The following FAM220A variants were observed in gnomAD, a reference collection of about 807,000 sequenced individuals.
FAM220A encodes the protein family with sequence similarity 220 member A, also known as protein FAM220A.
For synonymous variants in FAM220A, 141 were observed against 130.7 expected (o/e 1.08, Z -0.54); for missense variants, 392 against 321.6 (o/e 1.22, Z -1.68).
chr7:6,346,637 TC>T (rs1325503085), intron 1 of FAM220A, among the ~76,000 whole-genome samples: 2 of 152,150 alleles, frequency 1.3e-5, no homozygotes, highest in Admixed American at 1.3e-4. Flanking sequence ...CACCTTGGCC[TC>T]CCAAAGTGTT....
At chr7:6,347,132 G>C (rs1029617206) in intron 1 of FAM220A, among the ~76,000 whole-genome samples, 5 of 152,140 alleles carry the variant, frequency 3.3e-5, no homozygotes, top group Admixed American at 6.6e-5. Context: ...TTCAAGACCA[G>C]CCTTGGCAAC....
At chr7:6,339,122 G>A (rs1402093295) in intron 1 of FAM220A, among the ~76,000 whole-genome samples, 3 of 152,168 alleles carry the variant, frequency 2.0e-5, no homozygotes, top group African/African-American at 7.2e-5. Context: ...ATGATCACAA[G>A]GAACACACTA....
chr7:6,339,383 G>A (rs1368861814), intron 1 of FAM220A, among the ~76,000 whole-genome samples: 2 of 152,066 alleles, frequency 1.3e-5, no homozygotes, highest in Non-Finnish European at 2.9e-5. Context: ...TGGGAGGATC[G>A]TTTGAGCCTA....
chr7:6,336,494 A>G (rs113341185), intron 1 of FAM220A, among the ~76,000 whole-genome samples: 1 of 152,124 alleles, frequency 6.6e-6, no homozygotes, highest in African/African-American at 2.4e-5. Context: ...CAGCCTGGCC[A>G]ACACAGGGAA....
rs574903080 is a variant in FAM220A, at chr7:6,339,374, G to A, written c.-81-8139C>T. Among the ~76,000 whole-genome samples, 15 of 152,276 alleles carry A rather than the reference G, an allele frequency of 9.9e-5. No homozygotes were observed. The South Asian group carries it at 3.1e-3, about 32-fold the overall frequency. On this transcript the variant is annotated intron_variant, in intron 1 of 1. Transcript: ENST00000313324. The stretch of plus-strand genomic sequence containing the variant: ...TCCCAGCTACTCAGGAGGTCGAGGT[G>A]GGAGGATCGTTTGAGCCTAGGAGTT...
At chr7:6,346,623 C>T (rs776543469) in intron 1 of FAM220A, among the ~76,000 whole-genome samples, 26 of 152,156 alleles carry the variant, frequency 1.7e-4, no homozygotes, top group Non-Finnish European at 1.0e-4. Context: ...TTAAGCGACG[C>T]AGACACCTTG....
At chr7:6,340,625 G>C (rs1485468327) in intron 1 of FAM220A, among the ~76,000 whole-genome samples, 1 of 152,006 alleles carries the variant, frequency 6.6e-6, no homozygotes, top group East Asian at 1.9e-4. Context: ...TATGAGTGCT[G>C]GCTGGGCATG....
rs1781627028 is a variant in FAM220A, at chr7:6,331,186, G to T, written c.-32C>A. 6.3e-7 allele frequency: 1 copy of T among 1,587,420 alleles called. No individual in the cohort carries two copies. Among genetic ancestry groups the T allele is most frequent in the African/African-American group, 1.4e-5 (1 of 74,046 alleles). ...TGTTCTTGGATGCGGTGGGCCTGAG[G>T]TCACGCCTTCGTCAGTCTGGGAGGG... On this transcript the variant is annotated 5_prime_UTR_variant, in exon 2 of 2. Transcript: ENST00000313324.
In FAM220A at chr7:6,333,772, C is replaced by CT. The variant is rs531956945; in HGVS notation, c.-81-2538dup. On this transcript the variant is annotated intron_variant, in intron 1 of 1. Coordinates refer to ENST00000313324, the MANE Select transcript of FAM220A (RefSeq NM_001037163.2). ...AGTAGGTGACTTGAAGAACAAGTGT[C>CT]TTTTTTTTTTTTTTAATAGAGACAG... 5.0e-3 allele frequency among the ~76,000 whole-genome samples: 619 copies of CT among 125,036 alleles called. 3 individuals are homozygous for CT. The highest frequency in any genetic ancestry group is 0.013 in the Middle Eastern group (3 of 226). The allele number at this position is 125,036 out of a possible 152,430, so 82.0% of individuals were successfully genotyped here. A position where few individuals can be genotyped will look rare whatever the true frequency, so the allele number is the denominator to read the frequency against.
chr7:6,342,224 TTCTC>T (rs939471898), intron 1 of FAM220A, among the ~76,000 whole-genome samples: 3 of 151,772 alleles, frequency 2.0e-5, no homozygotes, highest in Admixed American at 6.6e-5. Flanking sequence ...TACTTTCTCT[TTCTC>T]TCTCTCTCTT....
intron 1 of FAM220A, among the ~76,000 whole-genome samples, chr7:6,339,597 C>G (rs1030930962): frequency 7.2e-5 from 11 of 151,888 alleles, no homozygotes; most frequent in Non-Finnish European, 1.3e-4. Context: ...CATTCCGCTG[C>G]CTCAGCCTCC....
chr7:6,335,765 T>C (rs1781731191), intron 1 of FAM220A, among the ~76,000 whole-genome samples: 1 of 152,178 alleles, frequency 6.6e-6, no homozygotes, highest in Admixed American at 6.6e-5. Flanking sequence ...CCAGGTGCAG[T>C]GGCTCAGCCC....
At chr7:6,340,509 G>C (rs913307658) in intron 1 of FAM220A, among the ~76,000 whole-genome samples, 3 of 152,150 alleles carry the variant, frequency 2.0e-5, no homozygotes, top group Non-Finnish European at 4.4e-5. Flanking sequence ...ACCTGGAGTT[G>C]GCTGAAGGGC....
At chr7:6,339,163 G>A (rs1476054552) in intron 1 of FAM220A, among the ~76,000 whole-genome samples, 1 of 152,134 alleles carries the variant, frequency 6.6e-6, no homozygotes, top group Non-Finnish European at 1.5e-5. Context: ...CTCGCCACTT[G>A]GCACGTCTAA....
At position 6,348,848 on chromosome 7, in the gene FAM220A, G is replaced by C; in HGVS notation, c.-357C>G. ...GACCCTCGCCTGGCGTGCTCAGGGA[G>C]CGAAGGAGGCGGCGGCTAGACCGGC... is the stretch of plus-strand genomic sequence containing the variant. On this transcript the variant is annotated 5_prime_UTR_variant, in exon 1 of 2. Transcript: ENST00000313324. 1 of 391,966 alleles carries C rather than the reference G, an allele frequency of 2.6e-6. No homozygotes were observed. The highest frequency in any genetic ancestry group is 4.5e-6 in the Non-Finnish European group (1 of 222,126). 24.3% of individuals were successfully genotyped at this position (391,966 alleles called of 1,614,324 possible). A position where few individuals can be genotyped will look rare whatever the true frequency, so the allele number is the denominator to read the frequency against.
At chr7:6,340,588 G>C (rs561798275) in intron 1 of FAM220A, among the ~76,000 whole-genome samples, 1 of 152,182 alleles carries the variant, frequency 6.6e-6, no homozygotes, top group African/African-American at 2.4e-5. Flanking sequence ...ACTCGAAGGA[G>C]GGCAGGTTGA....
intron 1 of FAM220A, among the ~76,000 whole-genome samples, chr7:6,345,999 C>G (rs1391119063): frequency 1.3e-5 from 2 of 151,998 alleles, no homozygotes; most frequent in Non-Finnish European, 2.9e-5. Flanking sequence ...AAACTCCTGA[C>G]CTCAAGTGAT....
At position 6,348,728 on chromosome 7, in the gene FAM220A, G is replaced by A; in HGVS notation, c.-237C>T. ...CGGGCGGCGGCCGAGCGCGAGAGCC[G>A]GACAGCCAGGCCCGACAGAGCCGCC... On this transcript the variant is annotated 5_prime_UTR_variant, in exon 1 of 2. Transcript: ENST00000313324. The A allele has an allele frequency of 2.4e-6, 1 of 416,748 alleles. No homozygotes were observed. The highest frequency in any genetic ancestry group is 3.5e-5 in the East Asian group (1 of 28,414). The allele number at this position is 416,748 out of a possible 1,614,324, so 25.8% of individuals were successfully genotyped here.
chr7:6,338,262 CAT>C (rs1319618844), intron 1 of FAM220A, among the ~76,000 whole-genome samples: 2 of 152,132 alleles, frequency 1.3e-5, no homozygotes, highest in Non-Finnish European at 2.9e-5. Context: ...TGAGTTTTTT[CAT>C]AGTTTTTTCT....
Sources: gnomAD v4.1 joint callset for allele counts (sites outside exome capture counted in the v4.1 genomes callset) on GRCh38, gnomAD v4.1.1 for gene constraint, MANE v1.5 for transcripts, NCBI Gene and HGNC (gene_info 2026-07-23, HGNC 2026-07-21) for gene names.